The following NELL2 variants were observed in gnomAD, a reference collection of about 807,000 sequenced individuals.
NELL2 encodes neural EGFL like 2, also known as protein kinase C-binding protein NELL2.
NELL2 carries 41 observed loss-of-function variants against 109.6 expected under a neutral mutation model. That is an observed-to-expected ratio of 0.37 (90% CI 0.29 to 0.49). The LOEUF (loss-of-function observed/expected upper bound fraction) is 0.49, where lower values mean the gene tolerates loss of function less well. Among genes scored for constraint, NELL2 ranks in the 20% least tolerant of loss-of-function variants. The probability of loss-of-function intolerance (pLI) is 0.98; values close to 1 mark genes in which losing one functional copy is unlikely to be tolerated. For missense variants in NELL2, 900 were observed against 1,008.3 expected (o/e 0.89, Z 1.45); for synonymous variants, 355 against 344.7 (o/e 1.03, Z -0.33).
At chr12:44,818,722 C>CTTCT (rs1555222479) in intron 2 of NELL2, among the ~76,000 whole-genome samples, 1 of 104,888 alleles carries the variant, frequency 9.5e-6, no homozygotes, top group African/African-American at 3.4e-5. Flanking sequence ...ATTTTGTTCA[C>CTTCT]TTATTTTTTT....
At chr12:44,627,102 AC>A (rs1474385068) in intron 13 of NELL2, among the ~76,000 whole-genome samples, 1 of 152,108 alleles carries the variant, frequency 6.6e-6, no homozygotes, top group Non-Finnish European at 1.5e-5. Flanking sequence ...TGACACAATT[AC>A]CTGCTGTAAT....
At chr12:44,788,477 C>T (rs11182675) in intron 3 of NELL2, among the ~76,000 whole-genome samples, 35,953 of 152,054 alleles carry the variant, frequency 0.24, 4,533 homozygotes, top group South Asian at 0.3. Context: ...TAGTCAAATA[C>T]AAGCGTAGAG....
intron 11 of NELL2, 56 bp from the exon 12 acceptor site, chr12:44,703,910 T>G: frequency 2.7e-6 from 4 of 1,479,772 alleles, no homozygotes; most frequent in Non-Finnish European, 3.7e-6. Flanking sequence ...AATGCAAATT[T>G]TTCCTACTTA....
chr12:44,704,524 C>T (rs1937748505), intron 11 of NELL2, among the ~76,000 whole-genome samples: 1 of 152,124 alleles, frequency 6.6e-6, no homozygotes, highest in African/African-American at 2.4e-5. Context: ...CAATCATGTG[C>T]AATTTCTCAA....
chr12:44,554,710 A>G (rs778261296), intron 15 of NELL2, among the ~76,000 whole-genome samples: 5 of 152,196 alleles, frequency 3.3e-5, no homozygotes, highest in Non-Finnish European at 7.3e-5. Flanking sequence ...ATTGGTCTCT[A>G]ATGATTTACT....
At chr12:44,724,833 A>T (rs1371614085) in intron 9 of NELL2, among the ~76,000 whole-genome samples, 2 of 151,058 alleles carry the variant, frequency 1.3e-5, no homozygotes, top group African/African-American at 4.9e-5. Flanking sequence ...AAAAAAAAAA[A>T]GGCTAGAGGC....
chr12:44,677,779 C>A (rs117133285), intron 12 of NELL2, among the ~76,000 whole-genome samples: 4,373 of 152,146 alleles, frequency 0.029, 103 homozygotes, highest in Admixed American at 0.045. Context: ...GGGAGGGATG[C>A]TCTCAAAGAT....
intron 12 of NELL2, among the ~76,000 whole-genome samples, chr12:44,677,873 T>C (rs970523598): frequency 1.3e-5 from 2 of 151,818 alleles, no homozygotes; most frequent in African/African-American, 4.8e-5. Context: ...CAGAGAAGCA[T>C]AGTTTTAAAC....
intron 15 of NELL2, among the ~76,000 whole-genome samples, chr12:44,536,558 C>T (rs946004606): frequency 9.2e-5 from 14 of 151,806 alleles, no homozygotes; most frequent in African/African-American, 2.7e-4. Flanking sequence ...AAAGTTTGAA[C>T]GCATTATTTT....
intron 3 of NELL2, among the ~76,000 whole-genome samples, chr12:44,807,499 T>G (rs1440866718): frequency 1.3e-5 from 2 of 151,974 alleles, no homozygotes; most frequent in East Asian, 3.9e-4. Context: ...GGAAGAGCTA[T>G]AGACTCCTAA....
At position 44,863,639 on chromosome 12, in the gene NELL2, G is replaced by A. The variant is rs183629781; in HGVS notation, c.184+11586C>T. ...AAGGGAGTCCATCATCACCAGACCT[G>A]TCTTACAAGAAATGCTAAAGGGAGT... On this transcript the variant is annotated intron_variant, in intron 2 of 19. Coordinates refer to ENST00000429094, the MANE Select transcript of NELL2 (RefSeq NM_001145108.2). 5.9e-5 allele frequency among the ~76,000 whole-genome samples: 9 copies of A among 152,216 alleles called. No individual in the cohort carries two copies. In the East Asian group the frequency reaches 1.7e-3, roughly 29 times the overall value.
chr12:44,839,648 T>C (rs1449249991), intron 2 of NELL2, among the ~76,000 whole-genome samples: 1 of 152,252 alleles, frequency 6.6e-6, no homozygotes, highest in Non-Finnish European at 1.5e-5. Flanking sequence ...GAATTTTTTT[T>C]CTAATTTCTG....
intron 13 of NELL2, among the ~76,000 whole-genome samples, chr12:44,625,030 ATATT>A (rs1946200315): frequency 1.4e-5 from 2 of 141,722 alleles, no homozygotes; most frequent in South Asian, 2.2e-4. Flanking sequence ...ATATATATAT[ATATT>A]TCTGAACAAG....
At chr12:44,683,845 C>A (rs1392023212) in intron 12 of NELL2, among the ~76,000 whole-genome samples, 1 of 152,176 alleles carries the variant, frequency 6.6e-6, no homozygotes, top group Admixed American at 6.5e-5. Flanking sequence ...AGAATTTTTG[C>A]ATCAATGTTC....
At chr12:44,810,951 T>C (rs1320948947) in intron 3 of NELL2, among the ~76,000 whole-genome samples, 1 of 152,096 alleles carries the variant, frequency 6.6e-6, no homozygotes, top group African/African-American at 2.4e-5. Context: ...TTAACAAACA[T>C]GTATACACAT....
chr12:44,883,312 T>C (rs1945436601), intron 1 of NELL2, among the ~76,000 whole-genome samples: 1 of 152,030 alleles, frequency 6.6e-6, no homozygotes, highest in South Asian at 2.1e-4. Flanking sequence ...ATTCCTTGGC[T>C]CATTGCCCCC....
rs577664298 is a variant in NELL2 at position 44,907,578 on chromosome 12, T to C, written c.38+6221A>G. 2.0e-5 allele frequency among the ~76,000 whole-genome samples: 3 copies of C among 152,046 alleles called. No homozygotes were observed. In the East Asian group the frequency reaches 5.8e-4, roughly 29 times the overall value. On this transcript the variant is annotated intron_variant, in intron 1 of 20. Coordinates refer to the NELL2 transcript ENST00000333837. ...CTGTTTGAAATGGTTGAAGATAAAA[T>C]GAAAACAGAAAAATGAAATTAGAGA...
At chr12:44,699,707 T>A (rs1949170012) in intron 12 of NELL2, among the ~76,000 whole-genome samples, 1 of 152,154 alleles carries the variant, frequency 6.6e-6, no homozygotes, top group African/African-American at 2.4e-5. Context: ...CAATGTCATC[T>A]GTGAGGTTCA....
chr12:44,905,357 T>A (rs1483897152), intron 1 of NELL2, among the ~76,000 whole-genome samples: 1 of 152,010 alleles, frequency 6.6e-6, no homozygotes, highest in Non-Finnish European at 1.5e-5. Flanking sequence ...TCATGTGGTA[T>A]GTTTATGCTT....
Sources: allele counts gnomAD v4.1 joint callset (sites outside exome capture counted in the v4.1 genomes callset), GRCh38; gene constraint gnomAD v4.1.1; transcripts MANE v1.5; gene names NCBI Gene and HGNC (gene_info 2026-07-23, HGNC 2026-07-21).